The following PDE9A variants were observed in gnomAD, a reference collection of about 807,000 sequenced individuals.
PDE9A encodes the protein high affinity cGMP-specific 3',5'-cyclic phosphodiesterase 9A.
Under a neutral mutation model 87.4 loss-of-function variants are expected in PDE9A, and 60 were observed. The ratio of observed to expected loss-of-function variants is 0.69; its 90% CI spans 0.56 to 0.85. The LOEUF (loss-of-function observed/expected upper bound fraction) is 0.85. Among genes scored for constraint, PDE9A ranks in the 40% least tolerant of loss-of-function variants. The probability of loss-of-function intolerance (pLI) is 0.00; values close to 1 mark genes in which losing one functional copy is unlikely to be tolerated. For synonymous variants in PDE9A, 272 were observed against 279.4 expected (o/e 0.97, Z 0.27); for missense variants, 665 against 779.0 (o/e 0.85, Z 1.74).
At chr21:42,701,543 C>T (rs958797433) in intron 4 of PDE9A, among the ~76,000 whole-genome samples, 1 of 151,762 alleles carries the variant, frequency 6.6e-6, no homozygotes, top group Admixed American at 6.6e-5. Context: ...CTGAAGCAAT[C>T]CTCCCTCCTC....
chr21:42,761,845 G>C (rs911781141), intron 13 of PDE9A, among the ~76,000 whole-genome samples: 1 of 152,112 alleles, frequency 6.6e-6, no homozygotes, highest in Admixed American at 6.5e-5. Flanking sequence ...GGAGCATGCC[G>C]CTTCCTCAGA....
Position 42,760,303 on chromosome 21 carries a change from G to T in PDE9A, c.898-25G>T. ...AGGTGGGCGGGCCCAGGCACAGGGT[G>T]ACTCGGACCCCCTGCCTCCCGCAGT... On this transcript the variant is annotated intron_variant, in intron 11 of 19. Transcript: ENST00000291539. The surrounding 1 kb of genome is among the most constrained non-coding windows in gnomAD (Gnocchi z 5.2). The T allele has an allele frequency of 7.0e-7, 1 of 1,438,520 alleles. No homozygotes were observed. The highest frequency in any genetic ancestry group is 1.1e-5 in the South Asian group (1 of 88,526). The allele number at this position is 1,438,520 out of a possible 1,614,324, so 89.1% of individuals were successfully genotyped here.
intron 4 of PDE9A, among the ~76,000 whole-genome samples, chr21:42,714,432 G>C (rs1438889661): frequency 6.6e-6 from 1 of 152,220 alleles, no homozygotes. Flanking sequence ...GTTGGGGTTA[G>C]CTCTCCCAGT....
At chr21:42,731,341 C>T (rs2051713130) in intron 4 of PDE9A, among the ~76,000 whole-genome samples, 1 of 152,102 alleles carries the variant, frequency 6.6e-6, no homozygotes, top group Non-Finnish European at 1.5e-5. Context: ...TATGACTAAG[C>T]CTGGTGTGGG....
At position 42,759,237 on chromosome 21, in the gene PDE9A, A is replaced by T; in HGVS notation, c.897+152A>T. The T allele has an allele frequency of 1.6e-6, 1 of 639,294 alleles. No individual in the cohort carries two copies. Among genetic ancestry groups the T allele is most frequent in the Non-Finnish European group, 2.9e-6 (1 of 350,832 alleles). The allele number at this position is 639,294 out of a possible 1,614,324, so 39.6% of individuals were successfully genotyped here. On this transcript the variant is annotated intron_variant, in intron 11 of 19. Coordinates refer to ENST00000291539, the MANE Select transcript of PDE9A (RefSeq NM_002606.3). The surrounding 1 kb of genome is among the most constrained non-coding windows in gnomAD (Gnocchi z 7.2). ...ATTTCCCCGGGAGTTCTGTGAGGAC[A>T]CTCAGCCTGTCTCTGTTCCTCCTTC...
intron 4 of PDE9A, chr21:42,701,288 G>C (rs2048359715): frequency 6.6e-6 from 1 of 151,898 alleles, no homozygotes; most frequent in African/African-American, 2.4e-5. Context: ...CTTCTGTATG[G>C]GACCTTGCTA....
At chr21:42,670,180 T>TTCACACGCACACATTCAC (rs1281739447) in intron 1 of PDE9A, among the ~76,000 whole-genome samples, 4 of 132,782 alleles carry the variant, frequency 3.0e-5, no homozygotes, top group Non-Finnish European at 6.4e-5. Flanking sequence ...CACGCACACA[T>TTCACACGCACACATTCAC]ACACTTACAC....
In PDE9A at chr21:42,765,388, T is replaced by A. The variant is rs777313694; in HGVS notation, c.1250T>A (p.Ile417Asn). The change falls in exon 15 of 20, where the codon ATC (isoleucine) becomes AAC (asparagine). Residue 417 changes from isoleucine (I) to asparagine (N), a missense_variant. Physicochemically the swap from Ile to Asn is moderately radical, Grantham distance 149. Coordinates refer to ENST00000291539, the MANE Select transcript of PDE9A (RefSeq NM_002606.3). ...DGFKQIRQGMITLILATDMAR... is the reference protein window; with the variant it reads ...DGFKQIRQGMNTLILATDMAR... Reference sequence around the variant, plus strand: ...TGTTCTCTCGCTATTTAGGGAATGATCACATTAATCTTGGCCACTGACATG... The same window carrying A: ...TGTTCTCTCGCTATTTAGGGAATGAACACATTAATCTTGGCCACTGACATG... 72 of 1,587,298 alleles carry A rather than the reference T, an allele frequency of 4.5e-5. No individual in the cohort carries two copies. Among genetic ancestry groups the A allele is most frequent in the Non-Finnish European group, 5.6e-5 (65 of 1,156,116 alleles).
chr21:42,708,004 G>A (rs946377869), intron 4 of PDE9A, among the ~76,000 whole-genome samples: 6 of 152,138 alleles, frequency 3.9e-5, no homozygotes, highest in East Asian at 3.8e-4. Flanking sequence ...AACAAAAGGC[G>A]GAGGACTGGC....
chr21:42,709,710 G>T (rs556223357), intron 4 of PDE9A, among the ~76,000 whole-genome samples: 48 of 152,212 alleles, frequency 3.2e-4, no homozygotes, highest in African/African-American at 1.1e-3. Flanking sequence ...TTGAGACAGG[G>T]TCTCACGCCT....
intron 7 of PDE9A, among the ~76,000 whole-genome samples, chr21:42,738,425 C>T (rs2052711428): frequency 1.3e-5 from 2 of 152,312 alleles, no homozygotes; most frequent in East Asian, 1.9e-4. Context: ...GCCAGGTTCC[C>T]GGCCTCTTGC....
At chr21:42,715,584 T>A (rs1306006161) in intron 4 of PDE9A, among the ~76,000 whole-genome samples, 1 of 151,472 alleles carries the variant, frequency 6.6e-6, no homozygotes, top group East Asian at 1.9e-4. Flanking sequence ...ATCACTGCAC[T>A]CCAGCCTGGG....
intron 3 of PDE9A, among the ~76,000 whole-genome samples, chr21:42,693,300 T>G (rs1183834949): frequency 3.4e-5 from 1 of 29,000 alleles, no homozygotes; most frequent in Non-Finnish European, 6.0e-5. Context: ...CCCAGGAATC[T>G]TTTTTTTTTT....
chr21:42,682,843 T>C (rs1278074591), intron 1 of PDE9A, among the ~76,000 whole-genome samples: 1 of 152,224 alleles, frequency 6.6e-6, no homozygotes, highest in Non-Finnish European at 1.5e-5. Flanking sequence ...TTAGGCTCGG[T>C]TGCATAAACC....
At chr21:42,748,292 T>C (rs980181434) in intron 8 of PDE9A, among the ~76,000 whole-genome samples, 2 of 152,212 alleles carry the variant, frequency 1.3e-5, no homozygotes, top group Admixed American at 6.5e-5. Flanking sequence ...TGGATGACAA[T>C]GGAAATCATT....
At chr21:42,711,928 A>G (rs2049379351) in intron 4 of PDE9A, among the ~76,000 whole-genome samples, 1 of 152,076 alleles carries the variant, frequency 6.6e-6, no homozygotes, top group Non-Finnish European at 1.5e-5. Flanking sequence ...GTCTATCCTC[A>G]CACCAACACC....
intron 1 of PDE9A, among the ~76,000 whole-genome samples, chr21:42,676,228 T>C (rs1044465882): frequency 1.3e-5 from 2 of 152,224 alleles, no homozygotes; most frequent in African/African-American, 4.8e-5. Flanking sequence ...CAGTCTCAGA[T>C]ATTTCTTTAT....
chr21:42,732,030 C>G, intron 5 of PDE9A, 40 bp from the exon 6 acceptor site: 1 of 1,613,070 alleles, frequency 6.2e-7, no homozygotes, highest in South Asian at 1.1e-5. Flanking sequence ...ATCTTTTCCT[C>G]TTGTCCGTGT....
intron 8 of PDE9A, among the ~76,000 whole-genome samples, chr21:42,746,084 G>A (rs1392197286): frequency 1.3e-5 from 2 of 152,218 alleles, no homozygotes; most frequent in Non-Finnish European, 2.9e-5. Flanking sequence ...TACAGCAGCA[G>A]GAGTGAGTGG....
Sources: allele counts gnomAD v4.1 joint callset (sites outside exome capture counted in the v4.1 genomes callset), GRCh38; gene constraint gnomAD v4.1.1; non-coding constraint Gnocchi (gnomAD v3.1); transcripts MANE v1.5; gene names NCBI Gene and HGNC (gene_info 2026-07-23, HGNC 2026-07-21).